Variants in WDR20 observed in about 807,000 individuals in gnomAD.
WDR20 encodes the protein WD repeat domain 20, also known as WD repeat-containing protein 20.
WDR20 carries 3 observed loss-of-function variants against 38.7 expected under a neutral mutation model. The ratio of observed to expected loss-of-function variants is 0.08; its 90% CI spans 0.04 to 0.20. WDR20 has a LOEUF of 0.20. Among genes scored for constraint, WDR20 ranks in the 10% least tolerant of loss-of-function variants. The pLI is 1.00. For missense variants in WDR20, 559 were observed against 727.7 expected, an observed-to-expected ratio of 0.77 and a Z score of 2.67; for synonymous variants, 298 against 285.6, an observed-to-expected ratio of 1.04 and a Z score of -0.44.
intron 1 of WDR20, among the ~76,000 whole-genome samples, chr14:102,146,067 T>C (rs2053545869): frequency 6.6e-6 from 1 of 152,088 alleles, no homozygotes; most frequent in African/African-American, 2.4e-5. Context: ...CATTGCCTAC[T>C]TGATTTGGAA....
intron 1 of WDR20, among the ~76,000 whole-genome samples, chr14:102,155,057 A>C (rs1317664691): frequency 6.6e-6 from 1 of 152,162 alleles, no homozygotes; most frequent in Non-Finnish European, 1.5e-5. Flanking sequence ...TCATGTTTGG[A>C]GCCTTTTTAG....
intron 1 of WDR20, among the ~76,000 whole-genome samples, chr14:102,163,867 T>C (rs1375132224): frequency 6.6e-6 from 1 of 152,150 alleles, no homozygotes; most frequent in Non-Finnish European, 1.5e-5. Flanking sequence ...CAGGTGGCTT[T>C]GCTGCTGTCT....
chr14:102,147,715 G>GTTTTA (rs1566792300), intron 1 of WDR20, among the ~76,000 whole-genome samples: 2 of 152,204 alleles, frequency 1.3e-5, no homozygotes, highest in African/African-American at 4.8e-5. Context: ...AAAGAACCTT[G>GTTTTA]TTTTATTTTA....
rs955061696 is a variant in WDR20 at position 102,221,722 on chromosome 14, G to A, written c.1693-1108G>A. ...GCTTCCAGGCTTCCGGCAGCAGGGCGTGGGCGAGGCTGAAGGGCAGTTTCC... is the reference window on the plus strand; with the variant it reads ...GCTTCCAGGCTTCCGGCAGCAGGGCATGGGCGAGGCTGAAGGGCAGTTTCC... On this transcript the variant is annotated intron_variant, in intron 3 of 3. Transcript: ENST00000335263. The surrounding 1 kb of genome is among the most constrained non-coding windows in gnomAD (Gnocchi z 4.8). Among the ~76,000 whole-genome samples the A allele has an allele frequency of 1.3e-4, 20 of 152,210 alleles. No homozygotes were observed. The highest frequency in any genetic ancestry group is 7.2e-4 in the Admixed American group (11 of 15,280).
intron 1 of WDR20, among the ~76,000 whole-genome samples, chr14:102,143,055 G>C (rs1208286158): frequency 6.6e-6 from 1 of 152,064 alleles, no homozygotes; most frequent in Non-Finnish European, 1.5e-5. Flanking sequence ...TTACAGGTCA[G>C]TGTCTGGAGC....
chr14:102,155,777 A>AT (rs1009757461), intron 1 of WDR20, among the ~76,000 whole-genome samples: 2 of 149,996 alleles, frequency 1.3e-5, no homozygotes, highest in African/African-American at 4.9e-5. Context: ...AATCACAGAC[A>AT]TTTTTTCCTT....
At chr14:102,191,300 T>C (rs2066343190) in intron 1 of WDR20, 2 of 152,146 alleles carry the variant, frequency 1.3e-5, no homozygotes, top group Non-Finnish European at 2.9e-5. Flanking sequence ...TGGGAAGCCA[T>C]CTGCCAGGGG....
downstream of WDR20, chr14:102,212,777 T>C (rs987202130): frequency 3.0e-6 from 4 of 1,346,838 alleles, no homozygotes; most frequent in South Asian, 2.0e-5. Flanking sequence ...GGGGAAAATA[T>C]TTGTAGTTTT....
At chr14:102,172,327 A>C (rs1449996634) in intron 1 of WDR20, among the ~76,000 whole-genome samples, 1 of 150,880 alleles carries the variant, frequency 6.6e-6, no homozygotes, top group Admixed American at 6.6e-5. Flanking sequence ...AGACACAGCA[A>C]CCATCCGATT....
At chr14:102,210,646 T>C, downstream of WDR20, 1 of 578,316 alleles carries the variant, frequency 1.7e-6, no homozygotes, top group Non-Finnish European at 2.2e-6. Flanking sequence ...GAAGTGCCTC[T>C]TGCCACATAA....
At chr14:102,184,361 A>C (rs1369884282) in intron 1 of WDR20, among the ~76,000 whole-genome samples, 1 of 152,258 alleles carries the variant, frequency 6.6e-6, no homozygotes, top group Non-Finnish European at 1.5e-5. Flanking sequence ...TTCATCTTTA[A>C]GAAGCTACTC....
chr14:102,206,248 A>G (rs2061520230), intron 2 of WDR20, among the ~76,000 whole-genome samples: 1 of 152,146 alleles, frequency 6.6e-6, no homozygotes, highest in Non-Finnish European at 1.5e-5. Context: ...CGGCCTCCCA[A>G]AGTGCTGGGA....
intron 1 of WDR20, among the ~76,000 whole-genome samples, chr14:102,165,837 A>G (rs2059663657): frequency 6.6e-6 from 1 of 151,652 alleles, no homozygotes; most frequent in East Asian, 1.9e-4. Flanking sequence ...ACAGGGTTTC[A>G]TCATATTGCC....
Position 102,179,686 on chromosome 14 carries a change from T to G in WDR20, c.250-15252T>G, listed in dbSNP as rs140131530. Among the ~76,000 whole-genome samples the G allele has an allele frequency of 2.9e-3, 439 of 152,208 alleles. 4 individuals are homozygous for G. Among genetic ancestry groups the G allele is most frequent in the African/African-American group, 0.01 (418 of 41,552 alleles). ...TTTAACTTTGCCCTTCCTCACCCCC[T>G]TCATTTTCAAATCCCTCCCCTCATA... On this transcript the variant is annotated intron_variant, in intron 1 of 2. Coordinates refer to ENST00000342702, the MANE Select transcript of WDR20 (RefSeq NM_144574.4).
Position 102,139,909 on chromosome 14 carries a change from A to G in WDR20, c.-15A>G. 1 of 1,611,116 alleles carries G rather than the reference A, an allele frequency of 6.2e-7. No homozygotes were observed. The highest frequency in any genetic ancestry group is 8.5e-7 in the Non-Finnish European group (1 of 1,177,496). ...GATCCGGGCACTTAGGGCAGGATGAACGCTGCTTTCCAAGATGGCGACGGA... is the reference window on the plus strand; with the variant it reads ...GATCCGGGCACTTAGGGCAGGATGAGCGCTGCTTTCCAAGATGGCGACGGA... On this transcript the variant is annotated 5_prime_UTR_variant, in exon 1 of 3. Transcript: ENST00000342702.
chr14:102,218,351 G>A (rs769157832), downstream of WDR20, among the ~76,000 whole-genome samples: 16 of 152,158 alleles, frequency 1.1e-4, no homozygotes, highest in Non-Finnish European at 2.2e-4. Flanking sequence ...CAGGGGTCGT[G>A]GGGGTCAGAA....
intron 1 of WDR20, among the ~76,000 whole-genome samples, chr14:102,162,593 C>CT (rs945124566): frequency 3.3e-5 from 5 of 151,568 alleles, no homozygotes; most frequent in Non-Finnish European, 5.9e-5. Context: ...CTCTTTCTTT[C>CT]TTTTTCTTTC....
chr14:102,214,027 C>G, downstream of WDR20: 15 of 985,520 alleles, frequency 1.5e-5, no homozygotes, highest in Non-Finnish European at 1.7e-5. Context: ...CCCTGCCCTG[C>G]CTCCGGTGCC....
At chr14:102,155,111 A>G (rs2057053309) in intron 1 of WDR20, among the ~76,000 whole-genome samples, 1 of 152,120 alleles carries the variant, frequency 6.6e-6, no homozygotes, top group Non-Finnish European at 1.5e-5. Context: ...CTTTTGTACG[A>G]TGATCTGTGT....
Sources: gnomAD v4.1 joint callset for allele counts (sites outside exome capture counted in the v4.1 genomes callset) on GRCh38, gnomAD v4.1.1 for gene constraint, Gnocchi (gnomAD v3.1) non-coding constraint, MANE v1.5 for transcripts, NCBI Gene and HGNC (gene_info 2026-07-23, HGNC 2026-07-21) for gene names.